Variants in B4GALT6 observed in about 807,000 individuals in gnomAD.
B4GALT6 encodes the protein beta-1,4-galactosyltransferase 6, also known as UDP-Gal:beta-GlcNAc beta-1,4-galactosyltransferase 6.
In B4GALT6, 14 loss-of-function variants were observed where a neutral mutation model predicts 46.3. The observed-to-expected ratio is 0.30, with a 90% CI of 0.20 to 0.47. The LOEUF is 0.47. Among genes scored for constraint, B4GALT6 ranks in the 20% least tolerant of loss-of-function variants. The pLI, the probability that B4GALT6 is intolerant of heterozygous loss-of-function variation, is 0.99. For missense variants in B4GALT6, 386 were observed against 480.1 expected (o/e 0.80, Z 1.83); for synonymous variants, 168 against 162.0 (o/e 1.04, Z -0.28).
rs572250910 is a variant in B4GALT6, at chr18:31,627,497, T to TA, written c.777-377dup. Among the ~76,000 whole-genome samples, 540 of 152,294 alleles carry TA rather than the reference T, an allele frequency of 3.5e-3. 6 individuals carry two copies. The highest frequency in any genetic ancestry group is 0.013 in the African/African-American group (521 of 41,578). ...TGCATGTCAGATGTTCCTAAACTAG[T>TA]AACACTGAAAAAATTAACTGAATTA... On this transcript the variant is annotated intron_variant, in intron 6 of 8. Coordinates refer to ENST00000306851, the MANE Select transcript of B4GALT6 (RefSeq NM_004775.5).
At chr18:31,699,026 CA>C in the B4GALT6 span, among the ~76,000 whole-genome samples, 1 of 150,386 alleles carries the variant, frequency 6.6e-6, no homozygotes, top group South Asian at 2.1e-4. Flanking sequence ...GAAATGGCAC[CA>C]CTGCAGCCTG....
the B4GALT6 span, among the ~76,000 whole-genome samples, chr18:31,712,395 T>C: frequency 6.8e-6 from 1 of 146,482 alleles, no homozygotes; most frequent in Non-Finnish European, 1.5e-5. Context: ...CTACACTTCC[T>C]GGGTTCAAGT....
At chr18:31,700,867 C>T in the B4GALT6 span, among the ~76,000 whole-genome samples, 1 of 152,054 alleles carries the variant, frequency 6.6e-6, no homozygotes, top group African/African-American at 2.4e-5. Context: ...AAGACCCACC[C>T]CACACCCATT....
chr18:31,715,564 T>A, the B4GALT6 span, among the ~76,000 whole-genome samples: 1 of 137,556 alleles, frequency 7.3e-6, no homozygotes, highest in Admixed American at 7.2e-5. Flanking sequence ...TTTTTTTTTT[T>A]TTTGAGATGG....
chr18:31,644,022 T>C (rs139835803), intron 4 of B4GALT6, among the ~76,000 whole-genome samples: 2 of 152,334 alleles, frequency 1.3e-5, no homozygotes, highest in African/African-American at 4.8e-5. Context: ...TGTATGTAAA[T>C]TGGGCCGCAT....
chr18:31,719,578 G>A, the B4GALT6 span, among the ~76,000 whole-genome samples: 3 of 152,126 alleles, frequency 2.0e-5, no homozygotes, highest in East Asian at 3.9e-4. Context: ...CAAGACAGGG[G>A]GATTTCAATA....
chr18:31,644,338 C>A (rs146696728), intron 4 of B4GALT6, among the ~76,000 whole-genome samples: 1 of 151,978 alleles, frequency 6.6e-6, no homozygotes, highest in Non-Finnish European at 1.5e-5. Flanking sequence ...AATACAGATA[C>A]AAATAATACA....
At chr18:31,651,794 G>A (rs1026067106) in intron 3 of B4GALT6, among the ~76,000 whole-genome samples, 1 of 151,912 alleles carries the variant, frequency 6.6e-6, no homozygotes, top group South Asian at 2.1e-4. Flanking sequence ...TTTTTGAGAT[G>A]GAGTCTCCCT....
At chr18:31,679,689 G>A (rs1279857861) in intron 1 of B4GALT6, among the ~76,000 whole-genome samples, 1 of 152,134 alleles carries the variant, frequency 6.6e-6, no homozygotes, top group African/African-American at 2.4e-5. Flanking sequence ...TGGGCAGCAC[G>A]CCCTTACTTT....
intron 2 of B4GALT6, among the ~76,000 whole-genome samples, chr18:31,663,877 C>T (rs1304642024): frequency 6.6e-6 from 1 of 152,156 alleles, no homozygotes; most frequent in Non-Finnish European, 1.5e-5. Context: ...AATAATTATT[C>T]GTAAATGTTG....
upstream of B4GALT6, among the ~76,000 whole-genome samples, chr18:31,688,296 A>G (rs906366119): frequency 8.1e-6 from 1 of 123,798 alleles, no homozygotes; most frequent in Admixed American, 7.9e-5. Context: ...TGTAATTCCA[A>G]AATGTTGTGG....
At chr18:31,708,599 A>T in the B4GALT6 span, among the ~76,000 whole-genome samples, 26 of 152,184 alleles carry the variant, frequency 1.7e-4, no homozygotes, top group South Asian at 4.2e-4. Flanking sequence ...AATTAAAATT[A>T]AAAAAACCAC....
the B4GALT6 span, among the ~76,000 whole-genome samples, chr18:31,711,241 C>A: frequency 6.6e-6 from 1 of 152,274 alleles, no homozygotes. Context: ...ATCCACAAAT[C>A]ATTCTTTTAT....
At chr18:31,679,579 A>G (rs926202323) in intron 1 of B4GALT6, among the ~76,000 whole-genome samples, 1 of 152,196 alleles carries the variant, frequency 6.6e-6, no homozygotes, top group African/African-American at 2.4e-5. Context: ...TCACACAGTG[A>G]GTCACTTCCA....
intron 4 of B4GALT6, among the ~76,000 whole-genome samples, chr18:31,641,035 C>T (rs529460704): frequency 9.9e-5 from 15 of 152,256 alleles, no homozygotes; most frequent in Non-Finnish European, 1.5e-4. Context: ...AATTTGGCCA[C>T]GAGTTGGCCA....
intron 1 of B4GALT6, among the ~76,000 whole-genome samples, chr18:31,682,672 T>C (rs1204836333): frequency 1.3e-5 from 2 of 152,218 alleles, no homozygotes; most frequent in African/African-American, 4.8e-5. Flanking sequence ...TAATATAACT[T>C]TAACATGTTA....
upstream of B4GALT6, among the ~76,000 whole-genome samples, chr18:31,690,509 G>C (rs563083103): frequency 6.6e-6 from 1 of 150,906 alleles, no homozygotes; most frequent in Non-Finnish European, 1.5e-5. Flanking sequence ...CACTCTTGTC[G>C]CACAGGCTGG....
At chr18:31,662,903 C>G (rs894843006) in intron 2 of B4GALT6, among the ~76,000 whole-genome samples, 11 of 152,136 alleles carry the variant, frequency 7.2e-5, no homozygotes, top group Non-Finnish European at 1.3e-4. Context: ...GTTAGGTGAG[C>G]AATGTCCATC....
In B4GALT6 at chr18:31,625,520, A is replaced by T; in HGVS notation, c.*94T>A. On this transcript the variant is annotated 3_prime_UTR_variant, in exon 9 of 9. Transcript: ENST00000306851. Reference sequence around the variant, plus strand: ...GCTGGCTCTTCTCAGAGAAAAGGGCACTGTGACACAGCCAATCACTGACCT... The same window carrying T: ...GCTGGCTCTTCTCAGAGAAAAGGGCTCTGTGACACAGCCAATCACTGACCT... The T allele has an allele frequency of 7.3e-7, 1 of 1,377,476 alleles. No homozygotes were observed. Among genetic ancestry groups the T allele is most frequent in the Non-Finnish European group, 1.0e-6 (1 of 981,838 alleles). 85.3% of individuals were successfully genotyped at this position (1,377,476 alleles called of 1,614,324 possible). A position where few individuals can be genotyped will look rare whatever the true frequency, so the allele number is the denominator to read the frequency against.
Sources: gnomAD v4.1 joint callset for allele counts (sites outside exome capture counted in the v4.1 genomes callset) on GRCh38, gnomAD v4.1.1 for gene constraint, MANE v1.5 for transcripts, NCBI Gene and HGNC (gene_info 2026-07-23, HGNC 2026-07-21) for gene names.